The following CUX1 variants were observed in gnomAD, a reference collection of about 807,000 sequenced individuals.
CUX1 encodes the protein protein CASP.
A neutral mutation model predicts 158.8 loss-of-function variants in CUX1; 31 were observed. The ratio of observed to expected loss-of-function variants is 0.20; its 90% CI spans 0.15 to 0.26. CUX1 has a LOEUF of 0.26. Ranked by LOEUF, CUX1 falls within the 10% of genes least tolerant of loss-of-function variation. The pLI is 1.00. For missense variants in CUX1, 1,589 were observed against 2,014.6 expected, an observed-to-expected ratio of 0.79 and a Z score of 4.04; for synonymous variants, 879 against 862.1, an observed-to-expected ratio of 1.02 and a Z score of -0.34.
intron 8 of CUX1, among the ~76,000 whole-genome samples, chr7:102,116,093 C>T (rs554832763): frequency 1.6e-4 from 25 of 152,270 alleles, no homozygotes; most frequent in African/African-American, 5.5e-4. Context: ...ACAGTGCCTC[C>T]GTGGGCATCG....
chr7:102,212,938 C>T (rs1480262969), intron 20 of CUX1, among the ~76,000 whole-genome samples: 1 of 152,272 alleles, frequency 6.6e-6, no homozygotes, highest in South Asian at 2.1e-4. Context: ...CTCCGCCTTC[C>T]GAGTTCAAGC....
chr7:102,002,071 G>A (rs1449821255), intron 2 of CUX1, among the ~76,000 whole-genome samples: 1 of 152,216 alleles, frequency 6.6e-6, no homozygotes, highest in Non-Finnish European at 1.5e-5. Context: ...AGATGGGTGA[G>A]TTGCTTGAGC....
chr7:101,853,308 A>G (rs1584766574), intron 1 of CUX1, among the ~76,000 whole-genome samples: 1 of 152,320 alleles, frequency 6.6e-6, no homozygotes, highest in East Asian at 1.9e-4. Flanking sequence ...CTCTATAAAA[A>G]TGGTATTATT....
chr7:102,261,979 G>A (rs1790433090), downstream of CUX1, among the ~76,000 whole-genome samples: 1 of 152,146 alleles, frequency 6.6e-6, no homozygotes, highest in African/African-American at 2.4e-5. Flanking sequence ...TTCGCCGGAT[G>A]TGCTGGCACA....
intron 20 of CUX1, among the ~76,000 whole-genome samples, chr7:102,226,195 G>T (rs1033869814): frequency 3.9e-5 from 6 of 152,202 alleles, no homozygotes. Context: ...CCCCAACAAG[G>T]CAGAGGAGAG....
intron 10 of CUX1, among the ~76,000 whole-genome samples, chr7:102,172,779 T>C (rs939243465): frequency 1.3e-5 from 2 of 152,204 alleles, no homozygotes; most frequent in Non-Finnish European, 2.9e-5. Context: ...AAAACATTTG[T>C]TGCTGGGCGC....
chr7:102,220,289 AG>A (rs1259394056), intron 20 of CUX1, among the ~76,000 whole-genome samples: 1 of 152,196 alleles, frequency 6.6e-6, no homozygotes, highest in African/African-American at 2.4e-5. Context: ...TGAAACCGGG[AG>A]GCGGAGGTTG....
intron 15 of CUX1, among the ~76,000 whole-genome samples, chr7:102,197,983 G>A (rs1325471222): frequency 6.6e-6 from 1 of 152,248 alleles, no homozygotes; most frequent in Non-Finnish European, 1.5e-5. Context: ...GCCGGGCACA[G>A]TAGCTCACGC....
chr7:101,967,621 T>G (rs1293765367), intron 2 of CUX1, among the ~76,000 whole-genome samples: 2 of 152,220 alleles, frequency 1.3e-5, no homozygotes, highest in Non-Finnish European at 1.5e-5. Flanking sequence ...CAAACACACA[T>G]TCTGTTAGCA....
chr7:102,087,219 T>C (rs1043698247), intron 4 of CUX1, among the ~76,000 whole-genome samples: 1 of 152,196 alleles, frequency 6.6e-6, no homozygotes, highest in Admixed American at 6.5e-5. Context: ...TTAACTGATT[T>C]TTTTAATGTT....
chr7:102,159,685 T>G lies in CUX1; in HGVS notation c.723+1077T>G, dbSNP rs1187539037. ...AGACCAGCCTGGCCAATATGGTGAA[T>G]CCCCGTCTCTACTAAAAATACAAAA... On this transcript the variant is annotated intron_variant, in intron 9 of 23. Transcript: ENST00000292535. 3.6e-4 allele frequency among the ~76,000 whole-genome samples: 51 copies of G among 140,398 alleles called. No individual in the cohort carries two copies. The Middle Eastern group carries it at 0.015, about 41-fold the overall frequency. 92.1% of individuals were successfully genotyped at this position (140,398 alleles called of 152,430 possible).
At chr7:102,117,859 G>T (rs184263632) in intron 8 of CUX1, among the ~76,000 whole-genome samples, 1 of 152,330 alleles carries the variant, frequency 6.6e-6, no homozygotes, top group East Asian at 1.9e-4. Flanking sequence ...GGATGGGGCA[G>T]CCTGGTGGGG....
intron 1 of CUX1, among the ~76,000 whole-genome samples, chr7:101,853,955 C>T (rs1207945907): frequency 2.0e-5 from 3 of 152,206 alleles, no homozygotes; most frequent in Non-Finnish European, 4.4e-5. Flanking sequence ...AGTCCTGCAG[C>T]TCGAATGAGC....
At chr7:101,971,757 T>C (rs1811981414) in intron 2 of CUX1, among the ~76,000 whole-genome samples, 1 of 152,184 alleles carries the variant, frequency 6.6e-6, no homozygotes, top group Middle Eastern at 3.2e-3. Flanking sequence ...TAAAAAGAAG[T>C]CACTTGGTTT....
intron 8 of CUX1, among the ~76,000 whole-genome samples, chr7:102,157,067 C>T (rs1426341471): frequency 1.3e-5 from 2 of 152,134 alleles, no homozygotes; most frequent in African/African-American, 2.4e-5. Context: ...GGCCTAGTGC[C>T]GAGGAAGGCC....
rs1554531757 is a variant in CUX1, at chr7:102,234,164, C to T, written c.3546C>T (p.Phe1182=). 8.1e-6 allele frequency: 13 copies of T among 1,600,342 alleles called. 1 individual carries two copies. The South Asian group carries it at 9.0e-5, about 11-fold the overall frequency. ...TCAGTCTGAAAGGACGAGAGCCCTT[C>T]GTCCGGATGCAGCTGTGGCTGAACG... The part of the protein sequence containing the change: ...HKLSLKGREP[F]VRMQLWLNDP... The change falls in exon 22 of 24, where the codon TTC becomes TTT. Residue 1182 remains phenylalanine, a synonymous_variant. Coordinates refer to ENST00000292535, the MANE Select transcript of CUX1 (RefSeq NM_181552.4).
intron 20 of CUX1, chr7:102,280,880 C>T: frequency 6.2e-7 from 1 of 1,607,894 alleles, no homozygotes; most frequent in Non-Finnish European, 8.5e-7. Context: ...TGCCCCTACC[C>T]ACCCCCTCCC....
intron 2 of CUX1, among the ~76,000 whole-genome samples, chr7:101,983,597 A>G (rs193002203): frequency 6.6e-6 from 1 of 152,348 alleles, no homozygotes; most frequent in African/African-American, 2.4e-5. Flanking sequence ...TACAAGAAGC[A>G]TGACGCCAGC....
chr7:101,991,384 G>A (rs1469543471), intron 2 of CUX1, among the ~76,000 whole-genome samples: 1 of 152,178 alleles, frequency 6.6e-6, no homozygotes, highest in Admixed American at 6.5e-5. Context: ...TCTCTGTTTT[G>A]TTGACCAACT....
Sources: allele counts gnomAD v4.1 joint callset (sites outside exome capture counted in the v4.1 genomes callset), GRCh38; gene constraint gnomAD v4.1.1; transcripts MANE v1.5; gene names NCBI Gene and HGNC (gene_info 2026-07-23, HGNC 2026-07-21).